Variants in SLC22A25 observed in about 807,000 individuals in gnomAD.
The protein encoded by SLC22A25 is solute carrier family 22 member 25.
In SLC22A25, 44 loss-of-function variants were observed where a neutral mutation model predicts 45.9. The ratio of observed to expected loss-of-function variants is 0.96; its 90% CI spans 0.75 to 1.23. The LOEUF is 1.23. SLC22A25 is among the 50% of genes most tolerant of loss of function. The pLI is 0.00. For missense variants in SLC22A25, 800 were observed against 666.4 expected, an observed-to-expected ratio of 1.20 and a Z score of -2.21; for synonymous variants, 283 against 238.6, an observed-to-expected ratio of 1.19 and a Z score of -1.72.
At chr11:63,194,015 A>G (rs991458007) in intron 7 of SLC22A25, among the ~76,000 whole-genome samples, 5 of 152,256 alleles carry the variant, frequency 3.3e-5, no homozygotes, top group Admixed American at 6.5e-5. Context: ...TACGAGATGC[A>G]TGCACATGCT....
At chr11:63,241,528 CAA>C (rs2090248774) in intron 1 of SLC22A25, among the ~76,000 whole-genome samples, 1 of 152,140 alleles carries the variant, frequency 6.6e-6, no homozygotes, top group Non-Finnish European at 1.5e-5. Flanking sequence ...GTCCATCAAA[CAA>C]AGTCATCTGG....
chr11:63,205,839 G>A (rs1423150596), intron 7 of SLC22A25, among the ~76,000 whole-genome samples: 1 of 152,036 alleles, frequency 6.6e-6, no homozygotes, highest in East Asian at 1.9e-4. Context: ...AAACCCGTTG[G>A]AAACACAACA....
intron 11 of SLC22A25, 110 bp from the exon 12 acceptor site, chr11:63,164,183 T>C (rs2087600607): frequency 1.5e-6 from 2 of 1,377,802 alleles, no homozygotes; most frequent in African/African-American, 1.4e-5. Flanking sequence ...ATGGAGGTGA[T>C]AACATACTCT....
At chr11:63,169,471 T>C (rs1273100145) in intron 9 of SLC22A25, among the ~76,000 whole-genome samples, 1 of 151,732 alleles carries the variant, frequency 6.6e-6, no homozygotes, top group African/African-American at 2.4e-5. Flanking sequence ...GATAAAGAAA[T>C]ATTTACCAAG....
At chr11:63,232,332 T>C (rs1366964498) in intron 3 of SLC22A25, among the ~76,000 whole-genome samples, 3 of 152,300 alleles carry the variant, frequency 2.0e-5, no homozygotes, top group South Asian at 4.2e-4. Flanking sequence ...GTTGTTCTCC[T>C]TGAAGAGGTC....
chr11:63,220,279 C>A (rs1266465561), intron 5 of SLC22A25, among the ~76,000 whole-genome samples: 1 of 152,166 alleles, frequency 6.6e-6, no homozygotes, highest in Non-Finnish European at 1.5e-5. Flanking sequence ...GAACTATGAT[C>A]TAATGATCAT....
Position 63,217,619 on chromosome 11 carries a change from G to C in SLC22A25, c.623C>G (p.Ala208Gly), listed in dbSNP as rs1164750247. The C allele has an allele frequency of 7.4e-6, 12 of 1,613,718 alleles. No homozygotes were observed. In the Admixed American group the frequency reaches 2.0e-4, roughly 27 times the overall value. Residue 208 changes from alanine to glycine, a missense_variant, in exon 6 of 12, where the codon GCT (alanine) becomes GGT (glycine). Transcript: ENST00000306494. ...ATTTACAATGATGCTAAATGTAGCA[G>C]CCCCAGCCAAGAAGCGCAGGGAGCA... ...VYCSLRFLAG[A>G]ATFSIIVNTV...
At chr11:63,208,999 G>A (rs1047074349) in intron 7 of SLC22A25, among the ~76,000 whole-genome samples, 1 of 152,254 alleles carries the variant, frequency 6.6e-6, no homozygotes, top group African/African-American at 2.4e-5. Context: ...TTTAAAAAAA[G>A]GATTTAGAGG....
At position 63,197,337 on chromosome 11, in the gene SLC22A25, G is replaced by A. The variant is rs575695168; in HGVS notation, c.831-13520C>T. ...AAAAGAACAAAGCTGGAGGCATCAC[G>A]CTACCTGACTTCAAACTCTACTACA... On this transcript the variant is annotated intron_variant, in intron 7 of 11. Transcript: ENST00000306494. 7.2e-5 allele frequency among the ~76,000 whole-genome samples: 11 copies of A among 152,134 alleles called. No individual in the cohort carries two copies. The South Asian group carries it at 1.2e-3, about 17-fold the overall frequency.
At chr11:63,219,551 ATT>A (rs2089802037) in intron 5 of SLC22A25, among the ~76,000 whole-genome samples, 1 of 152,190 alleles carries the variant, frequency 6.6e-6, no homozygotes, top group Non-Finnish European at 1.5e-5. Flanking sequence ...TATTCATTCT[ATT>A]ATTAATGAAA....
chr11:63,208,846 G>A (rs564835811), intron 7 of SLC22A25, among the ~76,000 whole-genome samples: 8 of 152,250 alleles, frequency 5.3e-5, no homozygotes, highest in Admixed American at 3.9e-4. Flanking sequence ...TGTGACAGGG[G>A]AAGGCACGTT....
At chr11:63,214,465 TC>T (rs2089659219) in intron 7 of SLC22A25, among the ~76,000 whole-genome samples, 1 of 151,928 alleles carries the variant, frequency 6.6e-6, no homozygotes, top group South Asian at 2.1e-4. Flanking sequence ...AAAACCCAAT[TC>T]CCCCTGAGAA....
chr11:63,196,218 A>G (rs1397619463), intron 7 of SLC22A25, among the ~76,000 whole-genome samples: 1 of 152,174 alleles, frequency 6.6e-6, no homozygotes, highest in African/African-American at 2.4e-5. Flanking sequence ...ATTCCAATCA[A>G]TAGACAAAGA....
chr11:63,176,618 G>A lies in SLC22A25; in HGVS notation c.1070+4042C>T, dbSNP rs78719551. 2.4e-3 allele frequency among the ~76,000 whole-genome samples: 367 copies of A among 151,924 alleles called. 2 individuals are homozygous for A. The highest frequency in any genetic ancestry group is 8.4e-3 in the African/African-American group (349 of 41,476). Reference sequence around the variant, plus strand: ...AAATTTTTGTGTGTGTAATCTTTAGGATTTTTACCTCTAAGATCATATAAC... The same window carrying A: ...AAATTTTTGTGTGTGTAATCTTTAGAATTTTTACCTCTAAGATCATATAAC... On this transcript the variant is annotated intron_variant, in intron 9 of 11. Coordinates refer to ENST00000306494, the MANE Select transcript of SLC22A25 (RefSeq NM_199352.6).
intron 4 of SLC22A25, 24 bp from the exon 5 acceptor site, chr11:63,228,588 A>G: frequency 6.5e-7 from 1 of 1,533,464 alleles, no homozygotes; most frequent in Non-Finnish European, 9.0e-7. Flanking sequence ...AAACCCTCAT[A>G]TCAATGCTTA....
At chr11:63,241,422 C>T (rs537576157) in intron 1 of SLC22A25, among the ~76,000 whole-genome samples, 1 of 152,192 alleles carries the variant, frequency 6.6e-6, no homozygotes, top group African/African-American at 2.4e-5. Context: ...AATAGAAAGA[C>T]CTTCACACCT....
chr11:63,163,850 C>G lies in SLC22A25; in HGVS notation c.1618G>C (p.Ala540Pro). The change falls in exon 12 of 12, where the codon GCC (alanine) becomes CCC (proline). Residue 540 changes from alanine (A) to proline (P), a missense_variant. Transcript: ENST00000306494. Reference sequence around the variant, plus strand: ...TATAGCACAGAGCTCCTCTGAGGGGCAGCTAGGCTATTTACTCCCTCATTT... The same window carrying G: ...TATAGCACAGAGCTCCTCTGAGGGGGAGCTAGGCTATTTACTCCCTCATTT... ...VENEGVNSLA[A>P]PQRSSVL 1 of 1,613,638 alleles carries G rather than the reference C, an allele frequency of 6.2e-7. No homozygotes were observed. Among genetic ancestry groups the G allele is most frequent in the African/African-American group, 1.3e-5 (1 of 75,008 alleles).
chr11:63,183,924 G>T, intron 7 of SLC22A25, 107 bp from the exon 8 acceptor site: 7 of 1,472,300 alleles, frequency 4.8e-6, no homozygotes, highest in East Asian at 2.3e-5. Flanking sequence ...CCCACCTCTT[G>T]TTTGGTTATA....
chr11:63,217,659 T>C lies in SLC22A25; in HGVS notation c.583A>G (p.Thr195Ala). The change falls in exon 6 of 12, where the codon ACC (threonine) becomes GCC (alanine). Residue 195 changes from threonine to alanine, a missense_variant. Transcript: ENST00000306494. ...IVGTCAAFAP[T>A]ILVYCSLRFL... ...CGCAGGGAGCAGTATACGAGGATGG[T>C]GGGAGCAAAGGCCGCACAGGTGCCT... 1.2e-6 allele frequency: 2 copies of C among 1,613,894 alleles called. No individual in the cohort carries two copies. Among genetic ancestry groups the C allele is most frequent in the Non-Finnish European group, 1.7e-6 (2 of 1,179,960 alleles).
Sources: allele counts gnomAD v4.1 joint callset (sites outside exome capture counted in the v4.1 genomes callset), GRCh38; gene constraint gnomAD v4.1.1; transcripts MANE v1.5; gene names NCBI Gene and HGNC (gene_info 2026-07-23, HGNC 2026-07-21).